Variants in CLASP1 observed in about 807,000 individuals in gnomAD.
The protein encoded by CLASP1 is cytoplasmic linker associated protein 1.
CLASP1 carries 38 observed loss-of-function variants against 192.3 expected under a neutral mutation model. That is an observed-to-expected ratio of 0.20 (90% CI 0.15 to 0.26). CLASP1 has a LOEUF of 0.26. CLASP1 is among the 10% of genes least tolerant of loss of function. The pLI is 1.00. For synonymous variants in CLASP1, 691 were observed against 712.8 expected (o/e 0.97, Z 0.49); for missense variants, 1,433 against 1,932.5 (o/e 0.74, Z 4.85).
At position 121,375,361 on chromosome 2, in the gene CLASP1, A is replaced by ATTTT. The variant is rs34714381; in HGVS notation, c.3642+2134_3642+2137dup. Among the ~76,000 whole-genome samples, 101 of 116,948 alleles carry ATTTT rather than the reference A, an allele frequency of 8.6e-4. 2 individuals are homozygous for ATTTT. Among genetic ancestry groups the ATTTT allele is most frequent in the African/African-American group, 1.9e-3 (57 of 30,162 alleles). 76.7% of individuals were successfully genotyped at this position (116,948 alleles called of 152,430 possible). On this transcript the variant is annotated intron_variant, in intron 34 of 39. Transcript: ENST00000263710. ...TTTCTTATAAATTACCTAGTTTCTGATTTTTTTTTTTTTTTTTTTTTGAGA... is the reference window on the plus strand; with the variant it reads ...TTTCTTATAAATTACCTAGTTTCTGATTTTTTTTTTTTTTTTTTTTTTTTTGAGA...
intron 2 of CLASP1, among the ~76,000 whole-genome samples, chr2:121,589,485 C>T (rs550506201): frequency 4.6e-5 from 7 of 152,028 alleles, no homozygotes; most frequent in African/African-American, 1.7e-4. Flanking sequence ...CAAAAATTAG[C>T]CGGGTGTGGT....
At chr2:121,626,449 T>C (rs1447080245) in intron 1 of CLASP1, among the ~76,000 whole-genome samples, 2 of 152,250 alleles carry the variant, frequency 1.3e-5, no homozygotes, top group African/African-American at 4.8e-5. Flanking sequence ...CAAATGCTAC[T>C]TTCTCTATTC....
At chr2:121,505,493 T>G (rs1375493160) in intron 7 of CLASP1, 1 of 152,066 alleles carries the variant, frequency 6.6e-6, no homozygotes, top group Non-Finnish European at 1.5e-5. Context: ...GGTTACCACC[T>G]AAAGAGACAG....
At chr2:121,554,846 T>C (rs557324338) in intron 2 of CLASP1, among the ~76,000 whole-genome samples, 60 of 152,290 alleles carry the variant, frequency 3.9e-4, no homozygotes, top group African/African-American at 1.4e-3. Flanking sequence ...AAATTGTACA[T>C]TTAACAGGTA....
At chr2:121,588,081 G>A (rs1174485664) in intron 2 of CLASP1, among the ~76,000 whole-genome samples, 1 of 150,496 alleles carries the variant, frequency 6.6e-6, no homozygotes, top group Non-Finnish European at 1.5e-5. Context: ...GGTTGAGGCA[G>A]GAGAATCACT....
chr2:121,358,406 A>G (rs900083595), intron 37 of CLASP1, among the ~76,000 whole-genome samples: 11 of 152,230 alleles, frequency 7.2e-5, no homozygotes, highest in African/African-American at 1.2e-4. Flanking sequence ...TTCATGCAGT[A>G]TATTATTTCC....
chr2:121,362,195 C>T (rs1370497948), intron 37 of CLASP1, among the ~76,000 whole-genome samples: 2 of 152,230 alleles, frequency 1.3e-5, no homozygotes, highest in African/African-American at 4.8e-5. Context: ...AACCCATTAC[C>T]TGGCATGCTA....
At position 121,351,596 on chromosome 2, in the gene CLASP1, G is replaced by A. The variant is rs11888829; in HGVS notation, c.4207-2878C>T. Among the ~76,000 whole-genome samples the A allele has an allele frequency of 7.4e-4, 113 of 152,290 alleles. 1 individual carries two copies. Among genetic ancestry groups the A allele is most frequent in the African/African-American group, 2.6e-3 (107 of 41,562 alleles). ...CCCTGGGAGGACCCGCTAACTCCTT[G>A]CAGCCCTGAGTAAAGGCTAGGAGTT... On this transcript the variant is annotated intron_variant, in intron 37 of 39. Transcript: ENST00000263710.
intron 19 of CLASP1, among the ~76,000 whole-genome samples, chr2:121,446,075 A>C (rs1339453809): frequency 6.6e-6 from 1 of 152,236 alleles, no homozygotes; most frequent in Non-Finnish European, 1.5e-5. Flanking sequence ...CAATAGTTAA[A>C]AACGATTTTA....
intron 19 of CLASP1, among the ~76,000 whole-genome samples, chr2:121,439,117 T>TAG (rs1298892140): frequency 2.0e-5 from 3 of 151,514 alleles, no homozygotes; most frequent in Middle Eastern, 6.8e-3. Flanking sequence ...TTTATTTGCG[T>TAG]AGAGGTGTTT....
At chr2:121,604,897 G>A (rs777911135) in intron 2 of CLASP1, among the ~76,000 whole-genome samples, 27 of 152,200 alleles carry the variant, frequency 1.8e-4, no homozygotes, top group Non-Finnish European at 3.8e-4. Context: ...TAGCAGTCAT[G>A]CAAACTCTCC....
Position 121,522,649 on chromosome 2 carries a change from GTAT to G in CLASP1, c.546+3193_546+3195del, listed in dbSNP as rs200752539. Among the ~76,000 whole-genome samples, 80 of 152,028 alleles carry G rather than the reference GTAT, an allele frequency of 5.3e-4. 2 individuals carry two copies. In the East Asian group the frequency reaches 0.011, roughly 22 times the overall value. On this transcript the variant is annotated intron_variant, in intron 6 of 39. Transcript: ENST00000263710. ...AATGTACTACTTTTGTTTTTCGGTT[GTAT>G]TATTATTATTATTCCCCATAATCAG...
Position 121,583,803 on chromosome 2 carries a change from G to A in CLASP1, c.195+21898C>T, listed in dbSNP as rs563256019. ...ACTTAGTGTGATAGCATCAAGAGTT[G>A]AGGCTTTGGGGAGGTGATTAAGTCA... On this transcript the variant is annotated intron_variant, in intron 2 of 39. Coordinates refer to ENST00000263710, the Ensembl canonical transcript of CLASP1. Among the ~76,000 whole-genome samples, 5 of 152,260 alleles carry A rather than the reference G, an allele frequency of 3.3e-5. No individual in the cohort carries two copies. In the South Asian group the frequency reaches 1.0e-3, roughly 32 times the overall value.
At chr2:121,589,494 G>T (rs2062113459) in intron 2 of CLASP1, among the ~76,000 whole-genome samples, 1 of 152,084 alleles carries the variant, frequency 6.6e-6, no homozygotes, top group African/African-American at 2.4e-5. Context: ...GCCGGGTGTG[G>T]TGGTGCACGC....
At chr2:121,593,645 AG>A (rs1295099643) in intron 2 of CLASP1, among the ~76,000 whole-genome samples, 1 of 150,100 alleles carries the variant, frequency 6.7e-6, no homozygotes, top group African/African-American at 2.4e-5. Context: ...AAAAAAAAAA[AG>A]GAAACTACAC....
Position 121,530,944 on chromosome 2 carries a change from C to T in CLASP1, c.196-619G>A, listed in dbSNP as rs572917990. 3.8e-4 allele frequency: 265 copies of T among 700,398 alleles called. 2 individuals carry two copies. Among genetic ancestry groups the T allele is most frequent in the Admixed American group, 1.0e-3 (50 of 50,020 alleles). 43.4% of individuals were successfully genotyped at this position (700,398 alleles called of 1,614,324 possible). A position where few individuals can be genotyped will look rare whatever the true frequency, so the allele number is the denominator to read the frequency against. ...CGCATAGTGAGGGCAGTACTGCTAA[C>T]GCCTGAACAACACACCCGCATCAAC... is the stretch of plus-strand genomic sequence containing the variant. On this transcript the variant is annotated intron_variant, in intron 2 of 39. Coordinates refer to ENST00000263710, the Ensembl canonical transcript of CLASP1.
At chr2:121,477,273 T>C (rs1285124634) in intron 8 of CLASP1, among the ~76,000 whole-genome samples, 1 of 152,202 alleles carries the variant, frequency 6.6e-6, no homozygotes, top group African/African-American at 2.4e-5. Context: ...TGGATGAAAA[T>C]CTTTTCTCAT....
rs1575059686 is a variant in CLASP1 at position 121,458,821 on chromosome 2, T to C, written c.1314+19A>G. 1 of 1,558,452 alleles carries C rather than the reference T, an allele frequency of 6.4e-7. No individual in the cohort carries two copies. Among genetic ancestry groups the C allele is most frequent in the Non-Finnish European group, 8.7e-7 (1 of 1,151,660 alleles). ...ATTTACCACTTGCTTATTTCAAGCATGGCCTATAACATACTTACCCGAATA... is the reference window on the plus strand; with the variant it reads ...ATTTACCACTTGCTTATTTCAAGCACGGCCTATAACATACTTACCCGAATA... On this transcript the variant is annotated intron_variant, in intron 13 of 39. Coordinates refer to ENST00000263710, the Ensembl canonical transcript of CLASP1.
At chr2:121,506,901 G>C (rs574620771) in intron 7 of CLASP1, among the ~76,000 whole-genome samples, 1 of 152,194 alleles carries the variant, frequency 6.6e-6, no homozygotes, top group Admixed American at 6.5e-5. Context: ...TTTCAGGAAA[G>C]TCACTAGAAC....
Sources: allele counts gnomAD v4.1 joint callset (sites outside exome capture counted in the v4.1 genomes callset), GRCh38; gene constraint gnomAD v4.1.1; transcripts MANE v1.5; gene names NCBI Gene and HGNC (gene_info 2026-07-23, HGNC 2026-07-21).